Variants in PPIP5K2 observed in about 807,000 individuals in gnomAD.
PPIP5K2 encodes the protein inositol hexakisphosphate and diphosphoinositol-pentakisphosphate kinase 2.
A neutral mutation model predicts 154.6 loss-of-function variants in PPIP5K2; 105 were observed. The ratio of observed to expected loss-of-function variants is 0.68; its 90% CI spans 0.58 to 0.80. The LOEUF (loss-of-function observed/expected upper bound fraction) is 0.80. Among genes scored for constraint, PPIP5K2 ranks in the 30% least tolerant of loss-of-function variants. The probability of loss-of-function intolerance (pLI) is 0.00; values close to 1 mark genes in which losing one functional copy is unlikely to be tolerated. For synonymous variants in PPIP5K2, 480 were observed against 490.3 expected (o/e 0.98, Z 0.28); for missense variants, 992 against 1,504.6 (o/e 0.66, Z 5.64).
intron 30 of PPIP5K2, among the ~76,000 whole-genome samples, chr5:103,196,712 A>T (rs1347557544): frequency 1.3e-5 from 2 of 152,156 alleles, no homozygotes; most frequent in African/African-American, 4.8e-5. Context: ...ATACATTTTT[A>T]AGTAATAAAC....
chr5:103,184,650 T>G, intron 25 of PPIP5K2, 22 bp from the exon 26 acceptor site: 2 of 1,582,934 alleles, frequency 1.3e-6, no homozygotes, highest in Non-Finnish European at 1.7e-6. Context: ...TTTACTTCAT[T>G]TATTTTGGAT....
chr5:103,168,044 A>G (rs1554218460), intron 18 of PPIP5K2, 28 bp from the exon 19 acceptor site: 2 of 1,439,766 alleles, frequency 1.4e-6, no homozygotes, highest in East Asian at 2.3e-5. Flanking sequence ...TTTAAGTTGC[A>G]TAAACTAAAA....
At chr5:103,141,357 G>A (rs1030478398) in intron 5 of PPIP5K2, among the ~76,000 whole-genome samples, 33 of 152,216 alleles carry the variant, frequency 2.2e-4, no homozygotes, top group African/African-American at 7.7e-4. Context: ...GCAGACCTTC[G>A]CGGTGAGTGT....
intron 8 of PPIP5K2, among the ~76,000 whole-genome samples, chr5:103,150,384 G>A (rs1383149442): frequency 6.6e-6 from 1 of 152,192 alleles, no homozygotes; most frequent in African/African-American, 2.4e-5. Flanking sequence ...TAGAGCCTGA[G>A]TGGCAAATTC....
intron 29 of PPIP5K2, among the ~76,000 whole-genome samples, chr5:103,194,360 C>T (rs903044860): frequency 2.6e-5 from 4 of 152,146 alleles, no homozygotes; most frequent in African/African-American, 9.7e-5. Context: ...CCCTGTGTTG[C>T]CCAGGCTGGT....
At chr5:103,168,048 A>G (rs782796938) in intron 18 of PPIP5K2, 24 bp from the exon 19 acceptor site, 21 of 1,468,904 alleles carry the variant, frequency 1.4e-5, no homozygotes, top group Non-Finnish European at 1.5e-5. Flanking sequence ...AGTTGCATAA[A>G]CTAAAAATGT....
intron 5 of PPIP5K2, 47 bp downstream of exon 5, chr5:103,138,516 C>T (rs782159496): frequency 8.2e-6 from 10 of 1,216,236 alleles, no homozygotes; most frequent in Non-Finnish European, 1.2e-5. Flanking sequence ...ACTTGACATA[C>T]TTTTGGGCCA....
rs1803637730 is a variant in PPIP5K2, at chr5:103,208,486, C to T, written c.*6852C>T. ...CTGAGAGAGCTGTTGTAGCCTTTTA[C>T]TCTCTCCAGTCAACAAAGATTGGCA... On this transcript the variant is annotated 3_prime_UTR_variant, in exon 31 of 31. Transcript: ENST00000358359. The T allele has an allele frequency of 6.6e-6, 1 of 152,332 alleles. No homozygotes were observed. Among genetic ancestry groups the T allele is most frequent in the Non-Finnish European group, 1.5e-5 (1 of 68,052 alleles). 9.4% of individuals were successfully genotyped at this position (152,332 alleles called of 1,614,324 possible).
chr5:103,183,170 G>A (rs571729189), intron 24 of PPIP5K2, 64 bp from the exon 25 acceptor site: 24 of 1,000,696 alleles, frequency 2.4e-5, no homozygotes, highest in Non-Finnish European at 3.0e-5. Context: ...AACTTTGCAT[G>A]CTCTGCTTTT....
chr5:103,179,995 AAGT>A, intron 23 of PPIP5K2, 23 bp from the exon 24 acceptor site: 1 of 1,506,564 alleles, frequency 6.6e-7, no homozygotes, highest in Non-Finnish European at 8.9e-7. Context: ...TGAATAGTAA[AAGT>A]GTTTTATATT....
chr5:103,193,239 T>C (rs1801533208), intron 29 of PPIP5K2, among the ~76,000 whole-genome samples: 1 of 152,106 alleles, frequency 6.6e-6, no homozygotes, highest in African/African-American at 2.4e-5. Context: ...CCAGTTATGA[T>C]GAAAGTTTTT....
intron 17 of PPIP5K2, among the ~76,000 whole-genome samples, chr5:103,161,885 T>C (rs1391087477): frequency 2.0e-5 from 3 of 152,166 alleles, no homozygotes; most frequent in Admixed American, 6.5e-5. Flanking sequence ...TGTAAAACTT[T>C]TCTCCCATTC....
chr5:103,168,277 A>G lies in PPIP5K2; in HGVS notation c.2268A>G (p.Ala756=). The G allele has an allele frequency of 6.2e-7, 1 of 1,600,448 alleles. No homozygotes were observed. ...MELYRLSKAL[A]DIVIPQEYGI... ...TATATAGGCTTTCGAAGGCATTAGC[A>G]GATATTGTTATCCCTCAGGTAAGTC... The change falls in exon 19 of 31, where the codon GCA becomes GCG. Residue 756 remains alanine (A), a synonymous_variant. Transcript: ENST00000358359.
rs1362911561 is a variant in PPIP5K2 at position 103,202,482 on chromosome 5, CAAT to C, written c.*849_*851del. 1 of 152,048 alleles carries C rather than the reference CAAT, an allele frequency of 6.6e-6. No individual in the cohort carries two copies. The highest frequency in any genetic ancestry group is 2.4e-5 in the African/African-American group (1 of 41,406). 9.4% of individuals were successfully genotyped at this position (152,048 alleles called of 1,614,324 possible). On this transcript the variant is annotated 3_prime_UTR_variant, in exon 31 of 31. Transcript: ENST00000358359. ...AAGTCAGTTCAAAAATGGAAATCAA[CAAT>C]GTTAGGAGAAATCTGAATTCTGTTA... is the stretch of plus-strand genomic sequence containing the variant.
intron 2 of PPIP5K2, among the ~76,000 whole-genome samples, chr5:103,131,106 A>C (rs1310282024): frequency 6.6e-6 from 1 of 151,944 alleles, no homozygotes; most frequent in Non-Finnish European, 1.5e-5. Flanking sequence ...GACTCTTTCC[A>C]TTCTCTTTGC....
intron 17 of PPIP5K2, 80 bp downstream of exon 17, chr5:103,159,408 A>G: frequency 8.6e-7 from 1 of 1,159,130 alleles, no homozygotes; most frequent in Non-Finnish European, 1.2e-6. Context: ...ATACATGTAG[A>G]GCTTATTGTA....
intron 27 of PPIP5K2, among the ~76,000 whole-genome samples, 179 bp from the exon 28 acceptor site, chr5:103,187,135 C>T (rs923254912): frequency 2.2e-4 from 33 of 152,106 alleles, no homozygotes; most frequent in African/African-American, 7.5e-4. Context: ...TGACACTTTT[C>T]CTCTGTCATC....
In PPIP5K2 at chr5:103,152,627, C is replaced by A. The variant is rs374762930; in HGVS notation, c.1029-21C>A. On this transcript the variant is annotated intron_variant, in intron 9 of 30. Coordinates refer to ENST00000358359, the MANE Select transcript of PPIP5K2 (RefSeq NM_001276277.3). The stretch of plus-strand genomic sequence containing the variant: ...GTCTTAAAACGTACTAATTTTAAAT[C>A]TTTTCTTTTTTGTCTTGAAGAAATA... 6 of 1,482,180 alleles carry A rather than the reference C, an allele frequency of 4.0e-6. No individual in the cohort carries two copies. In the African/African-American group the frequency reaches 4.2e-5, roughly 10 times the overall value. 91.8% of individuals were successfully genotyped at this position (1,482,180 alleles called of 1,614,324 possible).
At chr5:103,158,137 G>A in intron 14 of PPIP5K2, 51 bp from the exon 15 acceptor site, 1 of 1,573,274 alleles carries the variant, frequency 6.4e-7, no homozygotes, top group Non-Finnish European at 8.7e-7. Flanking sequence ...TCTTAAGTCT[G>A]TTTAAAGAAA....
Sources: allele counts gnomAD v4.1 joint callset (sites outside exome capture counted in the v4.1 genomes callset), GRCh38; gene constraint gnomAD v4.1.1; transcripts MANE v1.5; gene names NCBI Gene and HGNC (gene_info 2026-07-23, HGNC 2026-07-21).